The following OSBPL10 variants were observed in gnomAD, a reference collection of about 807,000 sequenced individuals.
OSBPL10 encodes oxysterol-binding protein-related protein 10.
OSBPL10 carries 49 observed loss-of-function variants against 81.7 expected under a neutral mutation model. That is an observed-to-expected ratio of 0.60 (90% confidence interval 0.48 to 0.76). OSBPL10 has a LOEUF of 0.76. Among genes scored for constraint, OSBPL10 ranks in the 30% least tolerant of loss-of-function variants. The pLI is 0.00. For missense variants in OSBPL10, 923 were observed against 987.8 expected, an observed-to-expected ratio of 0.93 and a Z score of 0.88; for synonymous variants, 419 against 383.6, an observed-to-expected ratio of 1.09 and a Z score of -1.08.
At chr3:32,052,567 A>G (rs1699677328) in intron 1 of OSBPL10, among the ~76,000 whole-genome samples, 2 of 152,210 alleles carry the variant, frequency 1.3e-5, no homozygotes, top group Admixed American at 1.3e-4. Flanking sequence ...ATGCCCATCA[A>G]GATAGACTAG....
chr3:32,074,111 G>T (rs184712654), intron 1 of OSBPL10, among the ~76,000 whole-genome samples: 1 of 151,926 alleles, frequency 6.6e-6, no homozygotes, highest in Admixed American at 6.6e-5. Context: ...TCTACAGGCC[G>T]ACTGGGCTAC....
intron 6 of OSBPL10, among the ~76,000 whole-genome samples, chr3:31,731,609 C>T (rs1025598620): frequency 1.3e-5 from 2 of 152,012 alleles, no homozygotes; most frequent in Non-Finnish European, 2.9e-5. Flanking sequence ...CTGCCTCAGC[C>T]TCCCAAGTAG....
At position 32,065,529 on chromosome 3, in the gene OSBPL10, C is replaced by T. The variant is rs1378481859; in HGVS notation, n.185+11867G>A. On this transcript the variant is annotated intron_variant and non_coding_transcript_variant, in intron 1 of 3. Transcript: ENST00000479173. ...CTGCTTGACTAGGCCTGCCCTTGGG[C>T]TTCTCTCTCTGTCCTTGTAGAATCC... is the stretch of plus-strand genomic sequence containing the variant. 1.3e-4 allele frequency: 12 copies of T among 91,838 alleles called. 5 individuals carry two copies. The highest frequency in any genetic ancestry group is 8.1e-4 in the Admixed American group (6 of 7,434). 5.7% of individuals were successfully genotyped at this position (91,838 alleles called of 1,614,324 possible). A position where few individuals can be genotyped will look rare whatever the true frequency, so the allele number is the denominator to read the frequency against.
chr3:31,678,087 CAAAAAAAA>C (rs1174037204), intron 8 of OSBPL10, among the ~76,000 whole-genome samples: 1 of 76,660 alleles, frequency 1.3e-5, no homozygotes, highest in South Asian at 5.6e-4. Flanking sequence ...GACTCCGTCT[CAAAAAAAA>C]AAAAAAAAAA....
intron 1 of OSBPL10, among the ~76,000 whole-genome samples, chr3:31,929,999 CAACCAAAAAAAA>C (rs1256931815): frequency 2.5e-4 from 7 of 28,002 alleles, no homozygotes; most frequent in Non-Finnish European, 2.7e-4. Context: ...ACCCTGTCAC[CAACCAAAAAAAA>C]AAAAAAAAAA....
chr3:31,946,454 G>A (rs867777486), intron 1 of OSBPL10, among the ~76,000 whole-genome samples: 25 of 150,540 alleles, frequency 1.7e-4, no homozygotes, highest in Middle Eastern at 6.9e-3. Context: ...TTTTTAAGTC[G>A]TTTCCTTCCT....
At chr3:31,953,083 CA>C (rs1559530379) in intron 1 of OSBPL10, among the ~76,000 whole-genome samples, 1 of 151,894 alleles carries the variant, frequency 6.6e-6, no homozygotes, top group African/African-American at 2.4e-5. Flanking sequence ...AGGCGCCCAC[CA>C]CCATGCCTGG....
chr3:31,850,129 C>T (rs1700727085), intron 3 of OSBPL10, among the ~76,000 whole-genome samples: 1 of 152,088 alleles, frequency 6.6e-6, no homozygotes, highest in Non-Finnish European at 1.5e-5. Flanking sequence ...CACGCCACTG[C>T]ACTCCAGCCT....
At chr3:31,932,326 C>A (rs1458561234) in intron 1 of OSBPL10, among the ~76,000 whole-genome samples, 1 of 152,166 alleles carries the variant, frequency 6.6e-6, no homozygotes, top group Non-Finnish European at 1.5e-5. Context: ...ACTTTCCTTA[C>A]CTCCAAGACA....
At chr3:32,058,960 A>C (rs1699734392) in intron 1 of OSBPL10, among the ~76,000 whole-genome samples, 1 of 152,146 alleles carries the variant, frequency 6.6e-6, no homozygotes, top group Non-Finnish European at 1.5e-5. Flanking sequence ...AGTAGCTGGG[A>C]CTACAAGCAT....
intron 6 of OSBPL10, among the ~76,000 whole-genome samples, chr3:31,708,023 G>C (rs970464605): frequency 6.6e-6 from 1 of 152,128 alleles, no homozygotes; most frequent in Non-Finnish European, 1.5e-5. Context: ...GAGAAACAAA[G>C]GGGTCTCAGT....
intron 6 of OSBPL10, among the ~76,000 whole-genome samples, chr3:31,720,483 G>A (rs1696599466): frequency 6.6e-6 from 1 of 152,156 alleles, no homozygotes; most frequent in Non-Finnish European, 1.5e-5. Context: ...TCCTCAACAG[G>A]AGCAATAGAA....
At chr3:31,668,137 G>A (rs931797423) in intron 10 of OSBPL10, among the ~76,000 whole-genome samples, 1 of 152,224 alleles carries the variant, frequency 6.6e-6, no homozygotes, top group Non-Finnish European at 1.5e-5. Context: ...GAAGTAGAAT[G>A]CAAGATTAAA....
At chr3:31,823,836 A>G (rs1019215965) in intron 4 of OSBPL10, among the ~76,000 whole-genome samples, 3 of 89,426 alleles carry the variant, frequency 3.4e-5, no homozygotes, top group South Asian at 5.1e-4. Context: ...TTTAATTTGT[A>G]TGTGTGTATG....
chr3:31,909,994 T>G (rs1696527667), intron 1 of OSBPL10, among the ~76,000 whole-genome samples: 1 of 151,092 alleles, frequency 6.6e-6, no homozygotes, highest in Non-Finnish European at 1.5e-5. Flanking sequence ...TTTTTTTTTT[T>G]TTTTTTTAGA....
intron 11 of OSBPL10, chr3:31,663,135 C>G (rs1199962751): frequency 2.0e-6 from 2 of 985,318 alleles, no homozygotes; most frequent in East Asian, 1.1e-4. Context: ...AGAATAATCC[C>G]TCTTTGTAGC....
chr3:31,719,637 T>A (rs1696572464), intron 6 of OSBPL10, among the ~76,000 whole-genome samples: 1 of 152,194 alleles, frequency 6.6e-6, no homozygotes, highest in South Asian at 2.1e-4. Context: ...TTTGGCTTAA[T>A]CTTGGAGGGC....
At chr3:31,749,934 A>T (rs554272348) in intron 4 of OSBPL10, among the ~76,000 whole-genome samples, 111 of 151,606 alleles carry the variant, frequency 7.3e-4, no homozygotes, top group African/African-American at 2.6e-3. Context: ...TAATCCCAAC[A>T]CTTTGGGAGG....
At chr3:31,987,554 G>C (rs1336641796) in intron 2 of OSBPL10, among the ~76,000 whole-genome samples, 5 of 152,188 alleles carry the variant, frequency 3.3e-5, no homozygotes, top group African/African-American at 1.2e-4. Context: ...GCTGGTTCTG[G>C]CTAGATCTAA....
Sources: allele counts gnomAD v4.1 joint callset (sites outside exome capture counted in the v4.1 genomes callset), GRCh38; gene constraint gnomAD v4.1.1; transcripts MANE v1.5; gene names NCBI Gene and HGNC (gene_info 2026-07-23, HGNC 2026-07-21).